Variants in STXBP3 observed in about 807,000 individuals in gnomAD.
The protein encoded by STXBP3 is syntaxin binding protein 3, also known as syntaxin-binding protein 3.
A neutral mutation model predicts 85.7 loss-of-function variants in STXBP3; 41 were observed. That is an observed-to-expected ratio of 0.48 (90% CI 0.37 to 0.62). The LOEUF is 0.62. Among genes scored for constraint, STXBP3 ranks in the 20% least tolerant of loss-of-function variants. The probability of loss-of-function intolerance (pLI) is 0.00; values close to 1 mark genes in which losing one functional copy is unlikely to be tolerated. For synonymous variants in STXBP3, 229 were observed against 231.7 expected, an observed-to-expected ratio of 0.99 and a Z score of 0.10; for missense variants, 563 against 703.1, an observed-to-expected ratio of 0.80 and a Z score of 2.25.
intron 11 of STXBP3, 131 bp downstream of exon 11, chr1:108,782,837 C>A (rs551448721): frequency 7.2e-6 from 5 of 695,508 alleles, no homozygotes; most frequent in Non-Finnish European, 1.2e-5. Context: ...TGAACTCCTA[C>A]GTACCCATTG....
intron 6 of STXBP3, among the ~76,000 whole-genome samples, chr1:108,768,437 A>G (rs1449586641): frequency 6.6e-6 from 1 of 152,138 alleles, no homozygotes; most frequent in Non-Finnish European, 1.5e-5. Context: ...TTGGGAAAAT[A>G]TTTGAAGAAT....
chr1:108,786,558 T>C (rs954958504), intron 11 of STXBP3, among the ~76,000 whole-genome samples: 2 of 152,248 alleles, frequency 1.3e-5, no homozygotes, highest in East Asian at 1.9e-4. Flanking sequence ...CCTTTCACCA[T>C]TGAGTTGCAG....
At chr1:108,796,136 T>G in intron 13 of STXBP3, 98 bp from the exon 14 acceptor site, 1 of 1,320,974 alleles carries the variant, frequency 7.6e-7, no homozygotes, top group Non-Finnish European at 1.0e-6. Flanking sequence ...GTGCTGGGAT[T>G]ACAGGCGTGA....
Position 108,807,420 on chromosome 1 carries a change from G to A in STXBP3, c.1555G>A (p.Ala519Thr). Residue 519 changes from alanine (A) to threonine (T), a missense_variant, in exon 18 of 19, where the codon GCT becomes ACT. By Grantham distance (58) the Ala-to-Thr change is moderately conservative. Coordinates refer to ENST00000370008, the MANE Select transcript of STXBP3 (RefSeq NM_007269.4). ...GAVSARQKPRANYLEDRKNGS... is the reference protein window; with the variant it reads ...GAVSARQKPRTNYLEDRKNGS... ...TTTTAGTGCTCGCCAGAAACCCAGA[G>A]CTAATTATTTAGAAGACCGAAAAAA... The A allele has an allele frequency of 1.2e-6, 2 of 1,608,240 alleles. No homozygotes were observed. The highest frequency in any genetic ancestry group is 1.7e-5 in the Admixed American group (1 of 59,022).
intron 7 of STXBP3, 150 bp downstream of exon 7, chr1:108,772,969 G>A: frequency 1.3e-6 from 1 of 761,512 alleles, no homozygotes; most frequent in Non-Finnish European, 1.8e-6. Context: ...TTTAAAGCTT[G>A]TGGTTTAAAT....
chr1:108,769,100 A>T (rs2358709), intron 6 of STXBP3, among the ~76,000 whole-genome samples: 110,281 of 151,884 alleles, frequency 0.73, 41,070 homozygotes, highest in African/African-American at 0.78. Context: ...CACATATTTT[A>T]ATATTGTTTT....
At chr1:108,769,338 G>T (rs1267378580) in intron 6 of STXBP3, among the ~76,000 whole-genome samples, 1 of 152,070 alleles carries the variant, frequency 6.6e-6, no homozygotes, top group Non-Finnish European at 1.5e-5. Flanking sequence ...CACACTCTTT[G>T]TAACTTTTAT....
chr1:108,793,269 C>T (rs1038225211), intron 11 of STXBP3, among the ~76,000 whole-genome samples: 2 of 146,104 alleles, frequency 1.4e-5, no homozygotes, highest in South Asian at 2.2e-4. Context: ...AGGAAGGGTG[C>T]GTGCAGGGAT....
chr1:108,785,158 C>T (rs1003325822), intron 11 of STXBP3, among the ~76,000 whole-genome samples: 1 of 152,234 alleles, frequency 6.6e-6, no homozygotes, highest in African/African-American at 2.4e-5. Flanking sequence ...CCAGTGGCAA[C>T]TATGTGTGGA....
At chr1:108,747,022 G>A (rs1455259656) in intron 1 of STXBP3, among the ~76,000 whole-genome samples, 1 of 142,734 alleles carries the variant, frequency 7.0e-6, no homozygotes, top group Non-Finnish European at 1.6e-5. Flanking sequence ...GCACCCCCTC[G>A]CCTCGGCCGC....
chr1:108,793,415 T>C (rs1161440786), intron 11 of STXBP3, among the ~76,000 whole-genome samples, 167 bp from the exon 12 acceptor site: 3 of 152,072 alleles, frequency 2.0e-5, no homozygotes, highest in African/African-American at 7.2e-5. Flanking sequence ...TCAGCTACGT[T>C]ATTGTGAGTG....
At chr1:108,771,454 T>TAAC (rs1266870241) in intron 6 of STXBP3, among the ~76,000 whole-genome samples, 1 of 99,454 alleles carries the variant, frequency 1.0e-5, no homozygotes, top group Non-Finnish European at 2.0e-5. Context: ...ATATATATCA[T>TAAC]ATATAAATAT....
At chr1:108,770,982 ATG>A (rs1662380017) in intron 6 of STXBP3, among the ~76,000 whole-genome samples, 1 of 152,256 alleles carries the variant, frequency 6.6e-6, no homozygotes, top group East Asian at 1.9e-4. Context: ...AACGGAAGAC[ATG>A]TATCAACTAT....
intron 16 of STXBP3, 128 bp downstream of exon 16, chr1:108,798,365 C>CA (rs1156718250): frequency 3.8e-5 from 12 of 314,968 alleles, no homozygotes; most frequent in East Asian, 7.5e-5. Context: ...GGAGGCTTCA[C>CA]AAAAAAGCCT....
intron 1 of STXBP3, among the ~76,000 whole-genome samples, chr1:108,751,598 C>CATTA (rs1158829283): frequency 6.6e-6 from 1 of 151,860 alleles, no homozygotes; most frequent in Non-Finnish European, 1.5e-5. Context: ...ATCAATTGAA[C>CATTA]ATTAATAAAA....
At chr1:108,808,485 T>A (rs1663388990) in intron 18 of STXBP3, among the ~76,000 whole-genome samples, 1 of 152,230 alleles carries the variant, frequency 6.6e-6, no homozygotes. Flanking sequence ...ACAATAACTG[T>A]TATAGTGCTG....
chr1:108,806,594 A>G (rs938614659), intron 17 of STXBP3, among the ~76,000 whole-genome samples: 1 of 152,128 alleles, frequency 6.6e-6, no homozygotes, highest in Admixed American at 6.5e-5. Flanking sequence ...CAAGCAGAAT[A>G]AAAATCGAAA....
chr1:108,796,287 A>G lies in STXBP3; in HGVS notation c.1164A>G (p.Arg388=), dbSNP rs1663095986. 6.2e-7 allele frequency: 1 copy of G among 1,613,708 alleles called. No homozygotes were observed. Among genetic ancestry groups the G allele is most frequent in the African/African-American group, 1.3e-5 (1 of 74,940 alleles). The change falls in exon 14 of 19, where the codon CGA becomes CGG. Residue 388 remains arginine (R), a synonymous_variant. Transcript: ENST00000370008. ...AEGQKVKDSM[R]VLLPVLLNKN... Reference sequence around the variant, plus strand: ...GACAGAAGGTGAAAGATTCCATGCGAGTACTCCTTCCAGTTCTACTCAACA... The same window carrying G: ...GACAGAAGGTGAAAGATTCCATGCGGGTACTCCTTCCAGTTCTACTCAACA...
At chr1:108,769,901 G>A (rs1388448673) in intron 6 of STXBP3, among the ~76,000 whole-genome samples, 1 of 152,164 alleles carries the variant, frequency 6.6e-6, no homozygotes, top group Non-Finnish European at 1.5e-5. Context: ...GAGGCCGAAG[G>A]GCTAGTCTGG....
Sources: gnomAD v4.1 joint callset for allele counts (sites outside exome capture counted in the v4.1 genomes callset) on GRCh38, gnomAD v4.1.1 for gene constraint, MANE v1.5 for transcripts, NCBI Gene and HGNC (gene_info 2026-07-23, HGNC 2026-07-21) for gene names.